GPRC5B: variants seen among roughly 807,000 people sequenced by gnomAD.
GPRC5B encodes the protein G protein-coupled receptor class C group 5 member B.
A neutral mutation model predicts 30.1 loss-of-function variants in GPRC5B; 16 were observed. That is an observed-to-expected ratio of 0.53 (90% confidence interval 0.36 to 0.81). GPRC5B has a LOEUF of 0.81. Ranked by LOEUF, GPRC5B falls within the 30% of genes least tolerant of loss-of-function variation. The pLI is 0.01. For synonymous variants in GPRC5B, 241 were observed against 239.5 expected (o/e 1.01, Z -0.06); for missense variants, 428 against 544.7 (o/e 0.79, Z 2.13).
chr16:19,885,464 G>T, upstream of GPRC5B: 1 of 1,133,360 alleles, frequency 8.8e-7, no homozygotes, highest in South Asian at 1.7e-5. This position sits in a 1 kb window ranked among gnomAD's most constrained non-coding sequence, Gnocchi z 5.3. Context: ...CCAACTCCCA[G>T]ATGTCGTTGT....
intron 1 of GPRC5B, among the ~76,000 whole-genome samples, chr16:19,878,307 T>C (rs1207215567): frequency 6.6e-6 from 1 of 151,978 alleles, no homozygotes; most frequent in Non-Finnish European, 1.5e-5. Context: ...TTTTCAATTA[T>C]TTGATTTTAC....
chr16:19,884,867 C>G (rs1882748991), upstream of GPRC5B: 2 of 981,542 alleles, frequency 2.0e-6, no homozygotes, highest in Non-Finnish European at 2.4e-6. Context: ...GAGTCGCTGC[C>G]GCGCGAGGCG....
At chr16:19,873,395 C>T (rs187972234) in intron 1 of GPRC5B, among the ~76,000 whole-genome samples, 7 of 146,520 alleles carry the variant, frequency 4.8e-5, no homozygotes, top group South Asian at 4.3e-4. Flanking sequence ...ACCTGGGAGG[C>T]GAAGGTTGCA....
intron 1 of GPRC5B, among the ~76,000 whole-genome samples, chr16:19,882,876 C>T (rs1387692283): frequency 1.3e-5 from 2 of 152,168 alleles, no homozygotes; most frequent in Non-Finnish European, 2.9e-5. Flanking sequence ...AGCTCATTCC[C>T]ACCTCCAAGC....
intron 2 of GPRC5B, among the ~76,000 whole-genome samples, chr16:19,868,404 A>G (rs1267067295): frequency 6.6e-6 from 1 of 152,112 alleles, no homozygotes; most frequent in Non-Finnish European, 1.5e-5. Context: ...AAAAGAAAAC[A>G]TGAATGTATA....
At chr16:19,862,058 CG>C in intron 2 of GPRC5B, 85 bp from the exon 3 acceptor site, 1 of 1,299,538 alleles carries the variant, frequency 7.7e-7, no homozygotes, top group Non-Finnish European at 1.1e-6. Context: ...CAGCGCGCTC[CG>C]GGCACCCCCA....
At chr16:19,885,393 A>G (rs769878469), upstream of GPRC5B, 14 of 1,167,280 alleles carry the variant, frequency 1.2e-5, no homozygotes, top group Non-Finnish European at 1.5e-5. The surrounding 1 kb of genome is among the most constrained non-coding windows in gnomAD (Gnocchi z 5.3). Context: ...AGGCGCACAC[A>G]CACCGCTAGG....
chr16:19,857,495 A>T lies in GPRC5B; in HGVS notation c.*3005T>A, dbSNP rs2056576597. On this transcript the variant is annotated 3_prime_UTR_variant, in exon 4 of 4. Coordinates refer to ENST00000300571, the MANE Select transcript of GPRC5B (RefSeq NM_016235.3). ...CGGGGGAAGATAAAGGTACATTATAAAACACACATTAATGCATTTAATAAA... is the reference window on the plus strand; with the variant it reads ...CGGGGGAAGATAAAGGTACATTATATAACACACATTAATGCATTTAATAAA... 1 of 430,720 alleles carries T rather than the reference A, an allele frequency of 2.3e-6. No homozygotes were observed. Among genetic ancestry groups the T allele is most frequent in the Non-Finnish European group, 4.5e-6 (1 of 220,640 alleles). The allele number at this position is 430,720 out of a possible 1,614,324, so 26.7% of individuals were successfully genotyped here. A position where few individuals can be genotyped will look rare whatever the true frequency, so the allele number is the denominator to read the frequency against.
intron 1 of GPRC5B, among the ~76,000 whole-genome samples, chr16:19,884,371 A>T (rs1567213417): frequency 1.3e-5 from 2 of 150,784 alleles, no homozygotes; most frequent in Non-Finnish European, 3.0e-5. Context: ...ATGACGAGTC[A>T]CTAGGACACG....
At position 19,872,287 on chromosome 16, in the gene GPRC5B, G is replaced by A. The variant is rs1597629322; in HGVS notation, c.559C>T (p.Arg187Cys). ...TAGGCGCAGGCTGGCCTTGTGTCAC[G>A]CAGCACGGTGAGCACCAGCCACTCC... ...AVEWLVLTVL[R>C]DTRPACAYEP... The change falls in exon 2 of 4, where the codon CGT becomes TGT. Residue 187 changes from arginine (R) to cysteine (C), a missense_variant. Coordinates refer to ENST00000300571, the MANE Select transcript of GPRC5B (RefSeq NM_016235.3). This position sits in a 1 kb window ranked among gnomAD's most constrained non-coding sequence, Gnocchi z 5.0. 16 of 1,613,798 alleles carry A rather than the reference G, an allele frequency of 9.9e-6. No individual in the cohort carries two copies. The highest frequency in any genetic ancestry group is 2.2e-5 in the East Asian group (1 of 44,872).
upstream of GPRC5B, chr16:19,885,530 GT>G: frequency 8.9e-7 from 1 of 1,118,118 alleles, no homozygotes; most frequent in South Asian, 1.9e-5. The surrounding 1 kb of genome is among the most constrained non-coding windows in gnomAD (Gnocchi z 5.3). Flanking sequence ...AAACACACAC[GT>G]CCAGTCGGTG....
intron 1 of GPRC5B, among the ~76,000 whole-genome samples, chr16:19,874,138 G>A (rs1056179768): frequency 1.4e-4 from 21 of 152,202 alleles, no homozygotes; most frequent in Admixed American, 1.2e-3. Context: ...TCCCACGCTC[G>A]CTCTCTAGAA....
chr16:19,865,322 G>A (rs1000166718), intron 2 of GPRC5B, among the ~76,000 whole-genome samples: 5 of 152,270 alleles, frequency 3.3e-5, no homozygotes, highest in Admixed American at 6.5e-5. Flanking sequence ...GCTTCGATGC[G>A]TTTATCAAGG....
At position 19,884,769 on chromosome 16, in the gene GPRC5B, C is replaced by A. The variant is rs893176117; in HGVS notation, c.-44G>T. ...CAGCGCCGACGCTCCAGCTGGCCTT[C>A]GGCCCGAGTCACATCTCTGCGGCGC... On this transcript the variant is annotated 5_prime_UTR_variant, in exon 1 of 4. Transcript: ENST00000300571. 3 of 984,866 alleles carry A rather than the reference C, an allele frequency of 3.0e-6. No homozygotes were observed. Among genetic ancestry groups the A allele is most frequent in the Non-Finnish European group, 3.6e-6 (3 of 829,740 alleles). The allele number at this position is 984,866 out of a possible 1,614,324, so 61.0% of individuals were successfully genotyped here. A position where few individuals can be genotyped will look rare whatever the true frequency, so the allele number is the denominator to read the frequency against.
upstream of GPRC5B, chr16:19,885,092 C>A: frequency 3.6e-6 from 3 of 834,382 alleles, no homozygotes; most frequent in Non-Finnish European, 5.1e-6. This position sits in a 1 kb window ranked among gnomAD's most constrained non-coding sequence, Gnocchi z 5.3. Flanking sequence ...GCCCCCAATT[C>A]GGGGACATTC....
intron 2 of GPRC5B, among the ~76,000 whole-genome samples, chr16:19,864,767 G>C (rs558597439): frequency 6.6e-6 from 1 of 152,238 alleles, no homozygotes; most frequent in African/African-American, 2.4e-5. Context: ...GCTGAGGTCA[G>C]CACCAAAGAT....
chr16:19,860,702 T>C (rs1013651485), intron 3 of GPRC5B, among the ~76,000 whole-genome samples, 158 bp from the exon 4 acceptor site: 8 of 152,224 alleles, frequency 5.3e-5, no homozygotes, highest in African/African-American at 1.7e-4. Flanking sequence ...CTGTGAGTCA[T>C]GCTGCTGTGG....
chr16:19,856,762 C>G lies in GPRC5B; in HGVS notation c.*3738G>C. On this transcript the variant is annotated 3_prime_UTR_variant, in exon 4 of 4. Transcript: ENST00000300571. ...CCAGTCTTCACTTTCTGCATTATCC[C>G]CACATTTTATTCATTCATCCAGATT... The G allele has an allele frequency of 1.8e-6, 1 of 542,014 alleles. No individual in the cohort carries two copies. The highest frequency in any genetic ancestry group is 3.1e-5 in the East Asian group (1 of 32,420). The allele number at this position is 542,014 out of a possible 1,614,324, so 33.6% of individuals were successfully genotyped here.
chr16:19,872,523 C>T lies in GPRC5B; in HGVS notation c.323G>A (p.Gly108Glu), dbSNP rs1265123432. Reference sequence around the variant, plus strand: ...CTGGATGATGAAGGCAAACGTCAGCCCAAAGAGGCCCAGGGTCCCCAGGAG... The same window carrying T: ...CTGGATGATGAAGGCAAACGTCAGCTCAAAGAGGCCCAGGGTCCCCAGGAG... ...LFLLGTLGLF[G>E]LTFAFIIQED... The change falls in exon 2 of 4, where the codon GGG becomes GAG. Residue 108 changes from glycine to glutamate, a missense_variant. Physicochemically the swap from Gly to Glu is moderately conservative, Grantham distance 98. Transcript: ENST00000300571. This position sits in a 1 kb window ranked among gnomAD's most constrained non-coding sequence, Gnocchi z 5.0. 6.2e-7 allele frequency: 1 copy of T among 1,613,888 alleles called. No homozygotes were observed. The highest frequency in any genetic ancestry group is 1.3e-5 in the African/African-American group (1 of 74,934).
Sources: allele counts gnomAD v4.1 joint callset (sites outside exome capture counted in the v4.1 genomes callset), GRCh38; gene constraint gnomAD v4.1.1; non-coding constraint Gnocchi (gnomAD v3.1); transcripts MANE v1.5; gene names NCBI Gene and HGNC (gene_info 2026-07-23, HGNC 2026-07-21).